ZNF207: variants seen among roughly 807,000 people sequenced by gnomAD.
ZNF207 encodes BUB3-interacting and GLEBS motif-containing protein ZNF207.
A neutral mutation model predicts 60.2 loss-of-function variants in ZNF207; 24 were observed. The ratio of observed to expected loss-of-function variants is 0.40; its 90% confidence interval spans 0.29 to 0.56. ZNF207 has a LOEUF of 0.56. Among genes scored for constraint, ZNF207 ranks in the 20% least tolerant of loss-of-function variants. The pLI, the probability that ZNF207 is intolerant of heterozygous loss-of-function variation, is 0.49. For missense variants in ZNF207, 452 were observed against 636.6 expected (o/e 0.71, Z 3.12); for synonymous variants, 236 against 194.7 (o/e 1.21, Z -1.77).
chr17:32,358,689 T>C, intron 3 of ZNF207, 48 bp downstream of exon 3: 1 of 1,311,300 alleles, frequency 7.6e-7, no homozygotes, highest in Non-Finnish European at 9.8e-7. Flanking sequence ...TTTTTTAATT[T>C]TTTTTTTTTT....
At chr17:32,351,742 G>A (rs778621934) in intron 1 of ZNF207, 44 bp from the exon 2 acceptor site, 1 of 1,609,376 alleles carries the variant, frequency 6.2e-7, no homozygotes, top group East Asian at 2.2e-5. Context: ...ATTATAGGCA[G>A]TGTCATCATT....
At chr17:32,354,203 A>G (rs1567812733) in intron 2 of ZNF207, among the ~76,000 whole-genome samples, 1 of 152,084 alleles carries the variant, frequency 6.6e-6, no homozygotes, top group Non-Finnish European at 1.5e-5. Flanking sequence ...TGGTCGCCCA[A>G]CTCCCAGGAT....
chr17:32,374,774 G>A lies in ZNF207; in HGVS notation c.*5015G>A, dbSNP rs553780043. On this transcript the variant is annotated 3_prime_UTR_variant, in exon 12 of 12. Transcript: ENST00000394670. ...GATGGATTACTAATTTTCAGGTATC[G>A]AAACTGAAATTTGATACCTGATCCT... is the stretch of plus-strand genomic sequence containing the variant. The A allele has an allele frequency of 4.9e-4, 74 of 152,250 alleles. No homozygotes were observed. The highest frequency in any genetic ancestry group is 1.7e-3 in the African/African-American group (69 of 41,552). The allele number at this position is 152,250 out of a possible 1,614,324, so 9.4% of individuals were successfully genotyped here.
At chr17:32,368,330 G>A (rs763128011) in intron 10 of ZNF207, 13 of 306,590 alleles carry the variant, frequency 4.2e-5, no homozygotes, top group Admixed American at 4.2e-4. Flanking sequence ...TTGAATAAAC[G>A]TTAAGTGTGA....
At chr17:32,368,621 G>A (rs372760131) in intron 10 of ZNF207, among the ~76,000 whole-genome samples, 114 of 151,862 alleles carry the variant, frequency 7.5e-4, no homozygotes, top group African/African-American at 2.7e-3. Context: ...AACTTGGGAG[G>A]CGGAGGTTGC....
chr17:32,366,856 T>C, intron 9 of ZNF207, 99 bp downstream of exon 9: 1 of 1,123,774 alleles, frequency 8.9e-7, no homozygotes, highest in South Asian at 1.9e-5. Context: ...AAATATACTG[T>C]GTTTACTTTT....
intron 9 of ZNF207, among the ~76,000 whole-genome samples, chr17:32,367,109 A>G (rs1244250112): frequency 2.0e-5 from 3 of 151,654 alleles, no homozygotes; most frequent in East Asian, 1.9e-4. Context: ...GGCCTAGTCT[A>G]CATGTTTTAG....
intron 2 of ZNF207, among the ~76,000 whole-genome samples, chr17:32,353,041 G>A (rs1353463191): frequency 6.6e-6 from 1 of 152,158 alleles, no homozygotes; most frequent in African/African-American, 2.4e-5. Context: ...GGGTGTGGTG[G>A]CATGGGCCTG....
In ZNF207 at chr17:32,365,549, A is replaced by C. The variant is rs1218563517; in HGVS notation, c.828+62A>C. 4.8e-6 allele frequency: 7 copies of C among 1,454,976 alleles called. No homozygotes were observed. In the Admixed American group the frequency reaches 2.0e-4, roughly 41 times the overall value. The allele number at this position is 1,454,976 out of a possible 1,614,324, so 90.1% of individuals were successfully genotyped here. A position where few individuals can be genotyped will look rare whatever the true frequency, so the allele number is the denominator to read the frequency against. On this transcript the variant is annotated intron_variant, in intron 8 of 11. Coordinates refer to ENST00000394670, the MANE Select transcript of ZNF207 (RefSeq NM_001098507.2). ...TTAAAGATAAAGTACAGTTGTTTAC[A>C]GAAGTCTTTGAAATTTTCATAGGTC... is the stretch of plus-strand genomic sequence containing the variant.
intron 2 of ZNF207, among the ~76,000 whole-genome samples, chr17:32,352,914 C>T (rs184723142): frequency 5.9e-5 from 9 of 152,306 alleles, no homozygotes; most frequent in African/African-American, 1.4e-4. Flanking sequence ...CGGTGGCTCA[C>T]GCCTGTAATC....
intron 2 of ZNF207, among the ~76,000 whole-genome samples, chr17:32,353,241 T>G (rs796401673): frequency 6.6e-6 from 1 of 152,168 alleles, no homozygotes; most frequent in African/African-American, 2.4e-5. Flanking sequence ...GAGAGCATTG[T>G]AATTTATATT....
At position 32,380,969 on chromosome 17, in the gene ZNF207, A is replaced by G. The variant is rs563001940; in HGVS notation, c.*11210A>G. 30 of 146,464 alleles carry G rather than the reference A, an allele frequency of 2.0e-4. No homozygotes were observed. The highest frequency in any genetic ancestry group is 6.6e-4 in the African/African-American group (27 of 41,132). 9.1% of individuals were successfully genotyped at this position (146,464 alleles called of 1,614,324 possible). ...GAGACTCCGTCTCAAAAAAAAAAAGAAAAAAAGAAAAAGTGATAAGATTTG... is the reference window on the plus strand; with the variant it reads ...GAGACTCCGTCTCAAAAAAAAAAAGGAAAAAAGAAAAAGTGATAAGATTTG... On this transcript the variant is annotated 3_prime_UTR_variant, in exon 12 of 12. Transcript: ENST00000394670.
intron 2 of ZNF207, among the ~76,000 whole-genome samples, chr17:32,356,022 T>C (rs1376368559): frequency 2.0e-5 from 3 of 152,210 alleles, no homozygotes; most frequent in Non-Finnish European, 2.9e-5. Flanking sequence ...GTTGAGAAAC[T>C]TAGTAACATT....
chr17:32,352,046 C>A, intron 2 of ZNF207, 134 bp downstream of exon 2: 2 of 776,050 alleles, frequency 2.6e-6, no homozygotes, highest in Non-Finnish European at 3.8e-6. Context: ...CGGCCCACTG[C>A]AACCTCTGCC....
intron 10 of ZNF207, chr17:32,368,225 C>A: frequency 1.6e-6 from 1 of 632,548 alleles, no homozygotes; most frequent in Non-Finnish European, 2.6e-6. Context: ...GGTTTCTCTC[C>A]CCTTCCTCCA....
intron 6 of ZNF207, among the ~76,000 whole-genome samples, chr17:32,361,838 A>G (rs576006221): frequency 6.6e-6 from 1 of 152,330 alleles, no homozygotes; most frequent in Non-Finnish European, 1.5e-5. Flanking sequence ...ATAGGATGTA[A>G]TGGAATTTTC....
chr17:32,366,624 GTT>G, intron 8 of ZNF207, 39 bp from the exon 9 acceptor site: 1 of 1,553,078 alleles, frequency 6.4e-7, no homozygotes, highest in Non-Finnish European at 8.7e-7. Context: ...TGACCCATTT[GTT>G]TGGAGACTTT....
chr17:32,356,278 C>T (rs1904500900), intron 2 of ZNF207, among the ~76,000 whole-genome samples: 1 of 152,002 alleles, frequency 6.6e-6, no homozygotes, highest in African/African-American at 2.4e-5. Flanking sequence ...TAATTGTTGC[C>T]CTTCTCAAAA....
rs551113647 is a variant in ZNF207 at position 32,372,100 on chromosome 17, A to C, written c.*2341A>C. The stretch of plus-strand genomic sequence containing the variant: ...TGGATCATGAGGTCAGGAGATGGAG[A>C]CCATCCTGGCTAACACGGTGAAACC... On this transcript the variant is annotated 3_prime_UTR_variant, in exon 12 of 12. Transcript: ENST00000394670. 1 of 152,492 alleles carries C rather than the reference A, an allele frequency of 6.6e-6. No individual in the cohort carries two copies. Among genetic ancestry groups the C allele is most frequent in the African/African-American group, 2.4e-5 (1 of 41,570 alleles). The allele number at this position is 152,492 out of a possible 1,614,324, so 9.4% of individuals were successfully genotyped here.
Sources: gnomAD v4.1 joint callset for allele counts (sites outside exome capture counted in the v4.1 genomes callset) on GRCh38, gnomAD v4.1.1 for gene constraint, MANE v1.5 for transcripts, NCBI Gene and HGNC (gene_info 2026-07-23, HGNC 2026-07-21) for gene names.